Variants in ARHGEF17 observed in about 807,000 individuals in gnomAD.
The protein encoded by ARHGEF17 is 164 kDa Rho-specific guanine-nucleotide exchange factor.
Under a neutral mutation model 174.0 loss-of-function variants are expected in ARHGEF17, and 80 were observed. The observed-to-expected ratio is 0.46, with a 90% CI of 0.38 to 0.55. The LOEUF (loss-of-function observed/expected upper bound fraction) is 0.55. Ranked by LOEUF, ARHGEF17 falls within the 20% of genes least tolerant of loss-of-function variation. ARHGEF17 has a pLI of 0.00. For missense variants in ARHGEF17, 2,886 were observed against 2,839.7 expected, an observed-to-expected ratio of 1.02 and a Z score of -0.37; for synonymous variants, 1,311 against 1,189.1, an observed-to-expected ratio of 1.10 and a Z score of -2.11.
chr11:73,360,225 C>G, intron 10 of ARHGEF17, 95 bp from the exon 11 acceptor site: 1 of 1,379,422 alleles, frequency 7.2e-7, no homozygotes, highest in South Asian at 1.2e-5. Context: ...GTCTCACTTG[C>G]TGTCTAAGGA....
chr11:73,354,296 C>T (rs966213384), intron 3 of ARHGEF17, among the ~76,000 whole-genome samples: 41 of 152,166 alleles, frequency 2.7e-4, no homozygotes, highest in South Asian at 2.1e-4. Context: ...GCCCTGGACC[C>T]GGAGGGGTCA....
chr11:73,365,605 T>C lies in ARHGEF17; in HGVS notation c.5725+41T>C. 1 of 1,609,516 alleles carries C rather than the reference T, an allele frequency of 6.2e-7. No individual in the cohort carries two copies. On this transcript the variant is annotated intron_variant, in intron 19 of 20. Coordinates refer to ENST00000263674, the MANE Select transcript of ARHGEF17 (RefSeq NM_014786.4). This position sits in a 1 kb window ranked among gnomAD's most constrained non-coding sequence, Gnocchi z 4.9. ...TACCACAGCACCCTCCTTGGAGCCTTTCTGCCCGATCGTAGAGGCGGCTGA... is the reference window on the plus strand; with the variant it reads ...TACCACAGCACCCTCCTTGGAGCCTCTCTGCCCGATCGTAGAGGCGGCTGA...
chr11:73,349,360 A>T (rs1278064891), intron 2 of ARHGEF17, among the ~76,000 whole-genome samples: 2 of 152,186 alleles, frequency 1.3e-5, no homozygotes, highest in Non-Finnish European at 2.9e-5. Flanking sequence ...CACACCTCTA[A>T]TCCCAGCACT....
intron 16 of ARHGEF17, 149 bp from the exon 17 acceptor site, chr11:73,364,023 A>G (rs547367159): frequency 1.9e-6 from 2 of 1,048,782 alleles, no homozygotes; most frequent in Admixed American, 2.0e-5. Context: ...CCCTTTTCTT[A>G]GCCTCAGGCA....
rs774660799 is a variant in ARHGEF17 at position 73,310,022 on chromosome 11, C to G, written c.1384C>G (p.Leu462Val). ...EPEKSRQRKSLSNPDIASETL... is the reference protein window; with the variant it reads ...EPEKSRQRKSVSNPDIASETL... ...TGAAAAGAGTCGACAGCGGAAGTCCCTGTCAAATCCAGATATCGCCTCAGA... is the reference window on the plus strand; with the variant it reads ...TGAAAAGAGTCGACAGCGGAAGTCCGTGTCAAATCCAGATATCGCCTCAGA... The change falls in exon 1 of 21, where the codon CTG becomes GTG. Residue 462 changes from leucine (L) to valine (V), a missense_variant. This residue lies in a region of ARHGEF17 where 1,728 missense variants were observed against 1,461.2 expected (regional missense o/e 1.18). Coordinates refer to ENST00000263674, the MANE Select transcript of ARHGEF17 (RefSeq NM_014786.4). The G allele has an allele frequency of 3.7e-6, 6 of 1,614,052 alleles. No homozygotes were observed. The highest frequency in any genetic ancestry group is 4.2e-6 in the Non-Finnish European group (5 of 1,180,024).
At position 73,309,918 on chromosome 11, in the gene ARHGEF17, T is replaced by C; in HGVS notation, c.1280T>C (p.Leu427Pro). The C allele has an allele frequency of 6.2e-7, 1 of 1,613,272 alleles. No homozygotes were observed. Among genetic ancestry groups the C allele is most frequent in the South Asian group, 1.1e-5 (1 of 91,070 alleles). Reference protein sequence around the residue: ...RSPSFGAGEGLLRSQARTRAK... With the variant: ...RSPSFGAGEGPLRSQARTRAK... ...CCTAGCTTTGGAGCTGGGGAAGGGC[T>C]CCTGCGGTCCCAGGCTCGAACCCGT... The change falls in exon 1 of 21, where the codon CTC (leucine) becomes CCC (proline). Residue 427 changes from leucine to proline, a missense_variant. Leu to Pro is a moderately conservative substitution (Grantham distance 98, BLOSUM62 -3). Coordinates refer to ENST00000263674, the MANE Select transcript of ARHGEF17 (RefSeq NM_014786.4).
At chr11:73,345,384 T>A (rs1865443745) in intron 1 of ARHGEF17, among the ~76,000 whole-genome samples, 1 of 152,090 alleles carries the variant, frequency 6.6e-6, no homozygotes, top group Non-Finnish European at 1.5e-5. Context: ...CCCCCACCAC[T>A]GAGTTCCTAG....
chr11:73,342,656 C>T (rs1187995192), intron 1 of ARHGEF17, among the ~76,000 whole-genome samples: 3 of 152,118 alleles, frequency 2.0e-5, no homozygotes, highest in African/African-American at 4.8e-5. Flanking sequence ...TCCCGTGCTC[C>T]GTGGCTCCTC....
At chr11:73,339,868 T>C (rs1276680644) in intron 1 of ARHGEF17, among the ~76,000 whole-genome samples, 1 of 151,954 alleles carries the variant, frequency 6.6e-6, no homozygotes. Flanking sequence ...GAAGAGGTGT[T>C]TATGGTTGGG....
intron 9 of ARHGEF17, among the ~76,000 whole-genome samples, chr11:73,358,099 C>T (rs1447683261): frequency 6.6e-6 from 1 of 152,184 alleles, no homozygotes; most frequent in Non-Finnish European, 1.5e-5. Context: ...CAGCTGTGAG[C>T]AAGAATGGGG....
intron 1 of ARHGEF17, among the ~76,000 whole-genome samples, chr11:73,338,840 C>T (rs1463678543): frequency 6.6e-6 from 1 of 151,868 alleles, no homozygotes; most frequent in African/African-American, 2.4e-5. Context: ...CCTCTCTGAG[C>T]CTCAGTTTCC....
At position 73,309,768 on chromosome 11, in the gene ARHGEF17, T is replaced by C; in HGVS notation, c.1130T>C (p.Phe377Ser). ...GGAFRVAKVS[F>S]PSYLASPAGS... Reference sequence around the variant, plus strand: ...GCTTTCCGTGTGGCCAAGGTGAGCTTTCCCTCGTACCTGGCCAGCCCCGCA... The same window carrying C: ...GCTTTCCGTGTGGCCAAGGTGAGCTCTCCCTCGTACCTGGCCAGCCCCGCA... The change falls in exon 1 of 21, where the codon TTT becomes TCT. Residue 377 changes from phenylalanine to serine, a missense_variant. Physicochemically the swap from Phe to Ser is radical, Grantham distance 155 (BLOSUM62 -2). Coordinates refer to ENST00000263674, the MANE Select transcript of ARHGEF17 (RefSeq NM_014786.4). 2 of 1,612,932 alleles carry C rather than the reference T, an allele frequency of 1.2e-6. No individual in the cohort carries two copies. The highest frequency in any genetic ancestry group is 1.1e-5 in the South Asian group (1 of 91,080).
At chr11:73,344,367 G>A (rs563004680) in intron 1 of ARHGEF17, among the ~76,000 whole-genome samples, 6 of 152,226 alleles carry the variant, frequency 3.9e-5, no homozygotes, top group African/African-American at 7.2e-5. Context: ...GTGACAGGCC[G>A]CTGTGCTCTG....
In ARHGEF17 at chr11:73,310,470, A is replaced by C; in HGVS notation, c.1832A>C (p.Asp611Ala). 2 of 1,613,972 alleles carry C rather than the reference A, an allele frequency of 1.2e-6. No homozygotes were observed. The highest frequency in any genetic ancestry group is 1.7e-6 in the Non-Finnish European group (2 of 1,180,028). Residue 611 changes from aspartate (D) to alanine (A), a missense_variant, in exon 1 of 21, where the codon GAT (aspartate) becomes GCT (alanine). Asp to Ala is a moderately radical substitution (Grantham distance 126, BLOSUM62 -2). Transcript: ENST00000263674. ...KIQRMGAQQD[D>A]GSDAPPGSPD... The stretch of plus-strand genomic sequence containing the variant: ...CAGCGCATGGGTGCCCAACAAGATG[A>C]TGGAAGCGATGCCCCCCCTGGAAGC...
intron 2 of ARHGEF17, among the ~76,000 whole-genome samples, chr11:73,351,622 C>T (rs1405192413): frequency 2.0e-5 from 3 of 152,088 alleles, no homozygotes; most frequent in African/African-American, 7.2e-5. Context: ...TTATTTAGTC[C>T]TCAGGCTGGA....
intron 1 of ARHGEF17, among the ~76,000 whole-genome samples, chr11:73,319,977 A>G (rs1280512242): frequency 6.6e-6 from 1 of 151,444 alleles, no homozygotes; most frequent in Non-Finnish European, 1.5e-5. Flanking sequence ...GTTTAAATCC[A>G]GGGCAAGGAG....
chr11:73,339,440 T>G (rs1327155932), intron 1 of ARHGEF17, among the ~76,000 whole-genome samples: 4 of 152,230 alleles, frequency 2.6e-5, no homozygotes, highest in Non-Finnish European at 4.4e-5. Flanking sequence ...TTTCATCCTT[T>G]CATTTATTCA....
Position 73,329,357 on chromosome 11 carries a change from A to ATT in ARHGEF17, c.3193-17525_3193-17524insTT, listed in dbSNP as rs1865160141. ...TATATATATATATATATATATATAT[A>ATT]TATATATATATATATATTTTTTTTT... On this transcript the variant is annotated intron_variant, in intron 1 of 20. Coordinates refer to ENST00000263674, the MANE Select transcript of ARHGEF17 (RefSeq NM_014786.4). Among the ~76,000 whole-genome samples the ATT allele has an allele frequency of 7.3e-4, 3 of 4,126 alleles. 1 individual carries two copies. Among genetic ancestry groups the ATT allele is most frequent in the Non-Finnish European group, 1.6e-3 (3 of 1,890 alleles). The allele number at this position is 4,126 out of a possible 152,430, so 2.7% of individuals were successfully genotyped here. A position where few individuals can be genotyped will look rare whatever the true frequency, so the allele number is the denominator to read the frequency against.
intron 1 of ARHGEF17, among the ~76,000 whole-genome samples, chr11:73,313,266 T>C (rs1864871438): frequency 6.6e-6 from 1 of 151,552 alleles, no homozygotes. Context: ...TGAGTCCCAG[T>C]GAGGGCAGCT....
Sources: gnomAD v4.1 joint callset for allele counts (sites outside exome capture counted in the v4.1 genomes callset) on GRCh38, gnomAD v4.1.1 for gene constraint, gnomAD v4.1.1 regional missense constraint, Gnocchi (gnomAD v3.1) non-coding constraint, MANE v1.5 for transcripts, NCBI Gene and HGNC (gene_info 2026-07-23, HGNC 2026-07-21) for gene names.